ADSL: variants seen among roughly 807,000 people sequenced by gnomAD.
ADSL encodes adenylosuccinate lyase.
In ADSL, 44 loss-of-function variants were observed where a neutral mutation model predicts 62.1. The observed-to-expected ratio is 0.71, with a 90% CI of 0.56 to 0.91. The LOEUF (loss-of-function observed/expected upper bound fraction) is 0.91. Ranked by LOEUF, ADSL falls within the 40% of genes least tolerant of loss-of-function variation. The probability of loss-of-function intolerance (pLI) is 0.00; values close to 1 mark genes in which losing one functional copy is unlikely to be tolerated. For synonymous variants in ADSL, 198 were observed against 220.5 expected, an observed-to-expected ratio of 0.90 and a Z score of 0.90; for missense variants, 531 against 627.4, an observed-to-expected ratio of 0.85 and a Z score of 1.64.
rs2045028909 is a variant in ADSL, at chr22:40,367,052, C to T, written c.*530C>T. The T allele has an allele frequency of 2.4e-5, 4 of 164,512 alleles. No individual in the cohort carries two copies. Among genetic ancestry groups the T allele is most frequent in the African/African-American group, 9.7e-5 (4 of 41,274 alleles). 10.2% of individuals were successfully genotyped at this position (164,512 alleles called of 1,614,324 possible). On this transcript the variant is annotated 3_prime_UTR_variant, in exon 13 of 13. Coordinates refer to ENST00000623063, the MANE Select transcript of ADSL (RefSeq NM_000026.4). Reference sequence around the variant, plus strand: ...ATTGAGCTGAAGTTGTGCCCAAGCTCATTTCATCTTTTGATAAGGCTTATA... The same window carrying T: ...ATTGAGCTGAAGTTGTGCCCAAGCTTATTTCATCTTTTGATAAGGCTTATA...
downstream of ADSL, among the ~76,000 whole-genome samples, chr22:40,371,167 G>A (rs1479364095): frequency 2.0e-5 from 3 of 152,228 alleles, no homozygotes; most frequent in African/African-American, 7.2e-5. Context: ...CCCGAGACTC[G>A]GAACACCGGT....
rs114853107 is a variant in ADSL at position 40,348,026 on chromosome 22, G to A, written c.153+1315G>A. ...GCTGGAATTGGAATGTAGAGTCTGA[G>A]TATGTGTTCTTTGTGTTGGCCTAAA... On this transcript the variant is annotated intron_variant, in intron 1 of 12. Transcript: ENST00000623063. Among the ~76,000 whole-genome samples, 787 of 152,298 alleles carry A rather than the reference G, an allele frequency of 5.2e-3. 7 individuals carry two copies. Among genetic ancestry groups the A allele is most frequent in the African/African-American group, 0.018 (760 of 41,562 alleles).
chr22:40,360,562 G>A, intron 7 of ADSL, 70 bp downstream of exon 7: 2 of 1,078,668 alleles, frequency 1.9e-6, no homozygotes, highest in South Asian at 1.3e-5. Flanking sequence ...ATTAACCTCA[G>A]ACTTTTACTT....
At chr22:40,384,653 G>A (rs1377788564) in intron 2 of ADSL, among the ~76,000 whole-genome samples, 3 of 152,096 alleles carry the variant, frequency 2.0e-5, no homozygotes, top group African/African-American at 7.2e-5. Flanking sequence ...GGTGGCGGGC[G>A]CCTGTAGTCC....
intron 10 of ADSL, among the ~76,000 whole-genome samples, chr22:40,363,757 T>C (rs1411891027): frequency 1.3e-5 from 2 of 151,310 alleles, no homozygotes; most frequent in African/African-American, 4.9e-5. Context: ...AAAAAACCTC[T>C]TCCTATGTGG....
chr22:40,364,376 C>G lies in ADSL; in HGVS notation c.1191+11C>G, dbSNP rs1057523739. On this transcript the variant is annotated intron_variant, in intron 11 of 12. Transcript: ENST00000623063. ...GGAGGTAGCCGCCAGGTTTGTAACC[C>G]CTCATGTTCCTGGATAAGTTGAGAG... 6.2e-7 allele frequency: 1 copy of G among 1,611,636 alleles called. No individual in the cohort carries two copies. The highest frequency in any genetic ancestry group is 1.3e-5 in the African/African-American group (1 of 74,858).
At chr22:40,377,155 A>G (rs1434828009) in intron 2 of ADSL, among the ~76,000 whole-genome samples, 1 of 152,212 alleles carries the variant, frequency 6.6e-6, no homozygotes, top group Non-Finnish European at 1.5e-5. Context: ...TCTTCTGGGG[A>G]TAACAGCTCA....
At chr22:40,346,905 C>G (rs919591991) in intron 1 of ADSL, among the ~76,000 whole-genome samples, 194 bp downstream of exon 1, 1 of 152,188 alleles carries the variant, frequency 6.6e-6, no homozygotes. Flanking sequence ...CACCTGTTGC[C>G]TCACGTGTTC....
intron 2 of ADSL, among the ~76,000 whole-genome samples, chr22:40,352,238 A>AT (rs2044373988): frequency 1.3e-5 from 2 of 151,792 alleles, no homozygotes; most frequent in Non-Finnish European, 2.9e-5. Context: ...GGCAAGAAAA[A>AT]TGGGGGAGGC....
chr22:40,372,309 G>A (rs2045736799), downstream of ADSL, among the ~76,000 whole-genome samples: 1 of 151,546 alleles, frequency 6.6e-6, no homozygotes, highest in Admixed American at 6.6e-5. Flanking sequence ...TGTATTTTTA[G>A]TAGAGACGGG....
At position 40,346,602 on chromosome 22, in the gene ADSL, C is replaced by G. The variant is rs1395161415; in HGVS notation, c.44C>G (p.Ser15Ter). 1.9e-6 allele frequency: 3 copies of G among 1,608,376 alleles called. No individual in the cohort carries two copies. The highest frequency in any genetic ancestry group is 1.3e-5 in the African/African-American group (1 of 74,978). The change falls in exon 1 of 13, where the codon TCA (serine) becomes TGA (stop). Residue 15 changes from serine (S) to a stop codon, truncating the protein, a stop_gained. Transcript: ENST00000623063. LOFTEE classifies it high-confidence loss of function. ...CATGGTTCGCCCGACAGCTACCGCT[C>G]ACCTCTTGCCTCCCGCTATGCCAGC... ...GDHGSPDSYR[S>*]PLASRYASPE...
At chr22:40,369,641 C>CTA (rs1650547730), downstream of ADSL, among the ~76,000 whole-genome samples, 1 of 151,964 alleles carries the variant, frequency 6.6e-6, no homozygotes, top group South Asian at 2.1e-4. Context: ...GTAGCTGGGA[C>CTA]TATGGCACAC....
chr22:40,366,421 G>A lies in ADSL; in HGVS notation c.1369-15G>A. 2 of 1,567,926 alleles carry A rather than the reference G, an allele frequency of 1.3e-6. No homozygotes were observed. The highest frequency in any genetic ancestry group is 1.8e-6 in the Non-Finnish European group (2 of 1,138,206). ...TAACATTTTCTTTTGTCTTGTATTT[G>A]CTTTCCTCTGGCAGGTGCAGAGATT... is the stretch of plus-strand genomic sequence containing the variant. On this transcript the variant is annotated splice_polypyrimidine_tract_variant and intron_variant, in intron 12 of 12. Transcript: ENST00000623063.
At chr22:40,359,071 A>C in intron 5 of ADSL, 36 bp downstream of exon 5, 10 of 1,612,462 alleles carry the variant, frequency 6.2e-6, no homozygotes, top group Non-Finnish European at 8.5e-6. Flanking sequence ...ACAGAAACTC[A>C]ATGGTGGAGC....
At chr22:40,387,174 A>T (rs1249619056) in intron 2 of ADSL, 1 of 398,542 alleles carries the variant, frequency 2.5e-6, no homozygotes, top group Non-Finnish European at 4.4e-6. Flanking sequence ...TGTGCTTAGC[A>T]GTGTGATGAA....
At chr22:40,385,394 A>G (rs1477357499) in intron 2 of ADSL, among the ~76,000 whole-genome samples, 1 of 152,202 alleles carries the variant, frequency 6.6e-6, no homozygotes, top group Non-Finnish European at 1.5e-5. Context: ...CAGGAGATCT[A>G]AGTATTTGCA....
chr22:40,364,948 C>T lies in ADSL; in HGVS notation c.1260C>T (p.Asp420=). The T allele has an allele frequency of 6.2e-7, 1 of 1,614,158 alleles. No individual in the cohort carries two copies. Among genetic ancestry groups the T allele is most frequent in the Non-Finnish European group, 8.5e-7 (1 of 1,180,016 alleles). The change falls in exon 12 of 13, where the codon GAC becomes GAT. Residue 420 remains aspartate (D), a synonymous_variant. Transcript: ENST00000623063. ...AASVVKQEGG[D]NDLIERIQVD... ...CTGTGGTTAAGCAGGAAGGGGGTGA[C>T]AATGACCTCATAGAGCGTATCCAGG...
chr22:40,379,178 A>G (rs1278051296), intron 2 of ADSL, among the ~76,000 whole-genome samples: 1 of 152,078 alleles, frequency 6.6e-6, no homozygotes, highest in Non-Finnish European at 1.5e-5. Context: ...CAAAGAAGGG[A>G]TTTCTATCTA....
At chr22:40,383,640 A>T (rs1435311061) in intron 2 of ADSL, among the ~76,000 whole-genome samples, 1 of 152,144 alleles carries the variant, frequency 6.6e-6, no homozygotes, top group African/African-American at 2.4e-5. Flanking sequence ...AAAGGCACAG[A>T]GGCATGTTGA....
Sources: allele counts gnomAD v4.1 joint callset (sites outside exome capture counted in the v4.1 genomes callset), GRCh38; gene constraint gnomAD v4.1.1; transcripts MANE v1.5; gene names NCBI Gene and HGNC (gene_info 2026-07-23, HGNC 2026-07-21).